GUCY2C: variants seen among roughly 807,000 people sequenced by gnomAD.
GUCY2C encodes guanylyl cyclase C.
Under a neutral mutation model 131.1 loss-of-function variants are expected in GUCY2C, and 118 were observed. The ratio of observed to expected loss-of-function variants is 0.90; its 90% confidence interval spans 0.78 to 1.05. The LOEUF (loss-of-function observed/expected upper bound fraction) is 1.05. GUCY2C is among the 50% of genes least tolerant of loss of function. GUCY2C has a pLI of 0.00. For missense variants in GUCY2C, 1,161 were observed against 1,304.4 expected (o/e 0.89, Z 1.69); for synonymous variants, 452 against 457.8 (o/e 0.99, Z 0.16).
rs533584542 is a variant in GUCY2C, at chr12:14,673,224, G to A, written c.1085-266C>T. Reference sequence around the variant, plus strand: ...CATTTAGGGTGGCACTAAATGTAATGAGTCAATAAGTCCCTCGATTATTAG... The same window carrying A: ...CATTTAGGGTGGCACTAAATGTAATAAGTCAATAAGTCCCTCGATTATTAG... On this transcript the variant is annotated intron_variant, in intron 8 of 26. Coordinates refer to ENST00000261170, the MANE Select transcript of GUCY2C (RefSeq NM_004963.4). 4.6e-5 allele frequency among the ~76,000 whole-genome samples: 7 copies of A among 152,268 alleles called. No homozygotes were observed. In the South Asian group the frequency reaches 6.2e-4, roughly 14 times the overall value.
intron 1 of GUCY2C, among the ~76,000 whole-genome samples, chr12:14,690,849 GTTC>G (rs1948562778): frequency 6.6e-6 from 1 of 152,124 alleles, no homozygotes; most frequent in Non-Finnish European, 1.5e-5. Flanking sequence ...CTGCAGGGAT[GTTC>G]TTAAGTTTGC....
rs1043391647 is a variant in GUCY2C, at chr12:14,663,766, C to A, written c.1283-2704G>T. The stretch of plus-strand genomic sequence containing the variant: ...TATTCATTCCTGTTCATCCTTACAC[C>A]TTTGGCACCCAGCACAAGACCTGGT... On this transcript the variant is annotated intron_variant, in intron 10 of 26. Transcript: ENST00000261170. 3.3e-5 allele frequency among the ~76,000 whole-genome samples: 5 copies of A among 152,222 alleles called. No homozygotes were observed. The South Asian group carries it at 8.3e-4, about 25-fold the overall frequency.
At chr12:14,645,819 AT>A (rs1017747853) in intron 15 of GUCY2C, among the ~76,000 whole-genome samples, 1 of 148,758 alleles carries the variant, frequency 6.7e-6, no homozygotes, top group Non-Finnish European at 1.5e-5. Context: ...ATGACCTGGA[AT>A]TTTCTTTGTT....
intron 15 of GUCY2C, 141 bp from the exon 16 acceptor site, chr12:14,645,456 A>C: frequency 1.7e-6 from 1 of 577,616 alleles, no homozygotes; most frequent in East Asian, 3.0e-5. Context: ...CTGGGATTTC[A>C]TGAACCTGTG....
chr12:14,660,096 C>G (rs1947837867), intron 11 of GUCY2C, among the ~76,000 whole-genome samples: 1 of 152,188 alleles, frequency 6.6e-6, no homozygotes, highest in African/African-American at 2.4e-5. Flanking sequence ...AGTCTACTTC[C>G]TTTTCTGGAG....
rs1555158581 is a variant in GUCY2C, at chr12:14,628,754, C to A, written c.2158-17G>T. ...TAGGTACACCTGGAAGAAAAAAAAA[C>A]GGGCAAATTAGCTAAGGGGATAGTA... On this transcript the variant is annotated splice_polypyrimidine_tract_variant and intron_variant, in intron 19 of 26. Coordinates refer to ENST00000261170, the MANE Select transcript of GUCY2C (RefSeq NM_004963.4). 4 of 1,040,502 alleles carry A rather than the reference C, an allele frequency of 3.8e-6. No homozygotes were observed. Among genetic ancestry groups the A allele is most frequent in the East Asian group, 2.4e-5 (1 of 42,122 alleles). 64.5% of individuals were successfully genotyped at this position (1,040,502 alleles called of 1,614,324 possible).
chr12:14,668,404 C>T (rs1457944219), intron 10 of GUCY2C, among the ~76,000 whole-genome samples: 4 of 152,082 alleles, frequency 2.6e-5, no homozygotes, highest in African/African-American at 9.7e-5. Context: ...CTGCTGACCT[C>T]GTTATCCACC....
chr12:14,689,130 G>A (rs1368139793), intron 1 of GUCY2C, among the ~76,000 whole-genome samples: 2 of 152,162 alleles, frequency 1.3e-5, no homozygotes, highest in East Asian at 1.9e-4. Flanking sequence ...GTGAAGACAC[G>A]ATTCATAACC....
intron 18 of GUCY2C, 80 bp downstream of exon 18, chr12:14,641,002 A>C (rs1947389956): frequency 7.8e-7 from 1 of 1,278,722 alleles, no homozygotes; most frequent in Non-Finnish European, 1.1e-6. Context: ...ATGTGGTTAC[A>C]GACAGATTAG....
chr12:14,692,465 T>G lies in GUCY2C; in HGVS notation c.217+3767A>C, dbSNP rs553427876. On this transcript the variant is annotated intron_variant, in intron 1 of 26. Coordinates refer to ENST00000261170, the MANE Select transcript of GUCY2C (RefSeq NM_004963.4). ...ATTTATAAAAAATGTTTAAAATGTTTCTCAGTTTAGTTTTCAATACAATCA... is the reference window on the plus strand; with the variant it reads ...ATTTATAAAAAATGTTTAAAATGTTGCTCAGTTTAGTTTTCAATACAATCA... 2.0e-4 allele frequency among the ~76,000 whole-genome samples: 31 copies of G among 152,334 alleles called. No homozygotes were observed. In the South Asian group the frequency reaches 2.3e-3, roughly 11 times the overall value.
At chr12:14,670,166 A>G (rs568872540) in intron 9 of GUCY2C, among the ~76,000 whole-genome samples, 24 of 152,350 alleles carry the variant, frequency 1.6e-4, no homozygotes, top group African/African-American at 5.5e-4. Context: ...GAAATATTAA[A>G]TGGCTAGCTC....
intron 7 of GUCY2C, 33 bp downstream of exon 7, chr12:14,676,821 T>C: frequency 1.5e-6 from 1 of 650,358 alleles, no homozygotes; most frequent in Non-Finnish European, 2.3e-6. Context: ...TAATAATATA[T>C]AATTTATACT....
chr12:14,621,500 G>C (rs1439351156), intron 22 of GUCY2C, among the ~76,000 whole-genome samples: 1 of 152,086 alleles, frequency 6.6e-6, no homozygotes, highest in Admixed American at 6.5e-5. Flanking sequence ...TTCTAGAAAT[G>C]TTCAAATAAA....
intron 10 of GUCY2C, among the ~76,000 whole-genome samples, chr12:14,663,359 C>T (rs549928481): frequency 7.9e-5 from 12 of 152,324 alleles, no homozygotes; most frequent in South Asian, 2.1e-4. Flanking sequence ...CTCGGCTCAC[C>T]GCAACCTCCA....
chr12:14,656,681 G>A, intron 11 of GUCY2C, 64 bp from the exon 12 acceptor site: 1 of 834,316 alleles, frequency 1.2e-6, no homozygotes, highest in Non-Finnish European at 2.1e-6. Context: ...AGCTTCTGAA[G>A]ACTGGGTGAA....
At chr12:14,622,581 G>C (rs182733928) in intron 21 of GUCY2C, among the ~76,000 whole-genome samples, 352 of 152,294 alleles carry the variant, frequency 2.3e-3, no homozygotes, top group African/African-American at 8.2e-3. Flanking sequence ...AAGCTGAGGA[G>C]AGTGTGGTAT....
chr12:14,668,043 A>T (rs1948019702), intron 10 of GUCY2C, among the ~76,000 whole-genome samples: 2 of 121,926 alleles, frequency 1.6e-5, no homozygotes, highest in African/African-American at 6.5e-5. Context: ...TTGCTCTGTC[A>T]TCCAGGCTGG....
intron 15 of GUCY2C, among the ~76,000 whole-genome samples, chr12:14,650,804 A>G (rs1312737929): frequency 6.6e-6 from 1 of 152,252 alleles, no homozygotes; most frequent in Non-Finnish European, 1.5e-5. Flanking sequence ...CTCAGATGTT[A>G]GAATAACAAG....
intron 20 of GUCY2C, among the ~76,000 whole-genome samples, chr12:14,626,626 T>A (rs534291245): frequency 1.3e-5 from 2 of 152,266 alleles, no homozygotes; most frequent in East Asian, 3.9e-4. Context: ...ATAATCTAAA[T>A]GTATAACAAA....
Sources: allele counts gnomAD v4.1 joint callset (sites outside exome capture counted in the v4.1 genomes callset), GRCh38; gene constraint gnomAD v4.1.1; transcripts MANE v1.5; gene names NCBI Gene and HGNC (gene_info 2026-07-23, HGNC 2026-07-21).